FGGY: variants seen among roughly 807,000 people sequenced by gnomAD.
FGGY encodes FGGY carbohydrate kinase domain containing.
Under a neutral mutation model 71.3 loss-of-function variants are expected in FGGY, and 72 were observed. The ratio of observed to expected loss-of-function variants is 1.01; its 90% CI spans 0.84 to 1.23. The LOEUF is 1.23. Among genes scored for constraint, FGGY ranks in the 50% most tolerant of loss-of-function variants. The probability of loss-of-function intolerance (pLI) is 0.00; values close to 1 mark genes in which losing one functional copy is unlikely to be tolerated. For missense variants in FGGY, 668 were observed against 682.3 expected, an observed-to-expected ratio of 0.98 and a Z score of 0.23; for synonymous variants, 251 against 250.3, an observed-to-expected ratio of 1.00 and a Z score of -0.02.
chr1:59,457,570 T>C (rs2091837737), intron 6 of FGGY, among the ~76,000 whole-genome samples: 1 of 152,000 alleles, frequency 6.6e-6, no homozygotes, highest in East Asian at 1.9e-4. Flanking sequence ...GCTGAGATCG[T>C]GCCACTGCAT....
At chr1:59,616,456 G>A (rs1018421293) in intron 9 of FGGY, among the ~76,000 whole-genome samples, 3 of 152,042 alleles carry the variant, frequency 2.0e-5, no homozygotes, top group African/African-American at 4.8e-5. Flanking sequence ...ACAGGAATGG[G>A]AACATCATAC....
intron 1 of FGGY, among the ~76,000 whole-genome samples, chr1:59,319,548 T>G (rs2046017968): frequency 6.6e-6 from 1 of 152,182 alleles, no homozygotes; most frequent in African/African-American, 2.4e-5. Flanking sequence ...GGAAGCCTTT[T>G]CCAAGGAGAA....
At chr1:59,363,760 C>G (rs1446862477) in intron 4 of FGGY, among the ~76,000 whole-genome samples, 2 of 152,184 alleles carry the variant, frequency 1.3e-5, no homozygotes, top group African/African-American at 4.8e-5. Flanking sequence ...TCACAAAGGA[C>G]CAGTGCCCTC....
At chr1:59,552,490 C>T (rs942884549) in intron 7 of FGGY, among the ~76,000 whole-genome samples, 4 of 152,190 alleles carry the variant, frequency 2.6e-5, no homozygotes, top group African/African-American at 9.6e-5. Context: ...TTGGAAAAAG[C>T]AGTGGAAAAC....
chr1:59,542,445 CTTTTTTTTT>C (rs754831417), intron 7 of FGGY, among the ~76,000 whole-genome samples: 7 of 34,246 alleles, frequency 2.0e-4, no homozygotes, highest in African/African-American at 4.2e-4. Flanking sequence ...ATGTTCTTTA[CTTTTTTTTT>C]TTTTTTTTTT....
At chr1:59,645,040 T>C (rs2097078943) in intron 11 of FGGY, among the ~76,000 whole-genome samples, 1 of 151,808 alleles carries the variant, frequency 6.6e-6, no homozygotes, top group African/African-American at 2.4e-5. Context: ...GTTTTAGGGA[T>C]TTTTTTGGTG....
intron 6 of FGGY, among the ~76,000 whole-genome samples, chr1:59,471,101 A>G (rs1282069901): frequency 1.3e-5 from 2 of 152,112 alleles, no homozygotes; most frequent in African/African-American, 4.8e-5. Context: ...TCTCATCTCA[A>G]ATTGTAATCC....
intron 14 of FGGY, among the ~76,000 whole-genome samples, chr1:59,715,554 A>G (rs1446497074): frequency 6.6e-6 from 1 of 152,182 alleles, no homozygotes; most frequent in Non-Finnish European, 1.5e-5. Flanking sequence ...TGAGAAAACT[A>G]CTGGTTTTAG....
At chr1:59,474,136 T>C (rs1454737720) in intron 6 of FGGY, 1 of 152,214 alleles carries the variant, frequency 6.6e-6, no homozygotes, top group East Asian at 1.9e-4. Context: ...TGCTGGCCCT[T>C]CCAGGAATAG....
At chr1:59,537,726 G>A (rs1164519840) in intron 7 of FGGY, among the ~76,000 whole-genome samples, 1 of 151,854 alleles carries the variant, frequency 6.6e-6, no homozygotes, top group African/African-American at 2.4e-5. Flanking sequence ...TGACAAACCT[G>A]AGAAAAACAA....
chr1:59,419,141 T>C (rs2064996415), intron 5 of FGGY, among the ~76,000 whole-genome samples: 1 of 152,092 alleles, frequency 6.6e-6, no homozygotes, highest in Non-Finnish European at 1.5e-5. Context: ...GTGGTGGTGG[T>C]TGTGGTGCTA....
chr1:59,606,266 C>A (rs1371794891), intron 8 of FGGY, among the ~76,000 whole-genome samples: 1 of 152,202 alleles, frequency 6.6e-6, no homozygotes, highest in African/African-American at 2.4e-5. Flanking sequence ...TTCACTTTAG[C>A]AAAATCCTAC....
At chr1:59,625,603 G>T (rs1458189237) in intron 9 of FGGY, among the ~76,000 whole-genome samples, 1 of 152,088 alleles carries the variant, frequency 6.6e-6, no homozygotes, top group East Asian at 1.9e-4. Context: ...TGACAGCCTA[G>T]ATCAAGAAGG....
chr1:59,301,303 G>T (rs1256405815), intron 1 of FGGY, among the ~76,000 whole-genome samples: 1 of 152,086 alleles, frequency 6.6e-6, no homozygotes, highest in Non-Finnish European at 1.5e-5. Context: ...TATATTGATT[G>T]TGTATCCTGA....
intron 5 of FGGY, among the ~76,000 whole-genome samples, chr1:59,441,192 C>G (rs753777192): frequency 1.3e-5 from 2 of 152,132 alleles, no homozygotes; most frequent in Admixed American, 6.5e-5. Flanking sequence ...CTAGTACTCA[C>G]GTCTATCTAT....
chr1:59,721,956 C>T (rs78727119), intron 14 of FGGY, among the ~76,000 whole-genome samples: 76 of 152,264 alleles, frequency 5.0e-4, no homozygotes, highest in Non-Finnish European at 9.6e-4. Context: ...AGAAGCAAAG[C>T]GAGACCTTTG....
At chr1:59,626,202 A>G (rs2096855069) in intron 10 of FGGY, 153 bp downstream of exon 10, 1 of 576,780 alleles carries the variant, frequency 1.7e-6, no homozygotes, top group Admixed American at 3.3e-5. Flanking sequence ...CAGAAGATAG[A>G]TGTATTAATT....
chr1:59,513,309 T>C (rs2094560996), intron 7 of FGGY, among the ~76,000 whole-genome samples: 1 of 152,242 alleles, frequency 6.6e-6, no homozygotes, highest in African/African-American at 2.4e-5. Flanking sequence ...TCAGAGTACA[T>C]TTCACAAAGT....
In FGGY at chr1:59,476,439, G is replaced by T. The variant is rs543708261; in HGVS notation, c.670+19363G>T. On this transcript the variant is annotated intron_variant, in intron 6 of 15. Transcript: ENST00000303721. Reference sequence around the variant, plus strand: ...CAGTAAGTAATGGAATCAGAGACAGGTCTGCTCCAGATCCTGCACATCTGT... The same window carrying T: ...CAGTAAGTAATGGAATCAGAGACAGTTCTGCTCCAGATCCTGCACATCTGT... Among the ~76,000 whole-genome samples the T allele has an allele frequency of 1.3e-4, 20 of 152,318 alleles. 1 individual carries two copies. In the South Asian group the frequency reaches 4.1e-3, roughly 32 times the overall value.
Sources: allele counts gnomAD v4.1 joint callset (sites outside exome capture counted in the v4.1 genomes callset), GRCh38; gene constraint gnomAD v4.1.1; transcripts MANE v1.5; gene names NCBI Gene and HGNC (gene_info 2026-07-23, HGNC 2026-07-21).